PATJ: variants seen among roughly 807,000 people sequenced by gnomAD.
PATJ encodes PATJ crumbs cell polarity complex component.
A neutral mutation model predicts 224.9 loss-of-function variants in PATJ; 190 were observed. The observed-to-expected ratio is 0.84, with a 90% CI of 0.75 to 0.95. The LOEUF (loss-of-function observed/expected upper bound fraction) is 0.95. Among genes scored for constraint, PATJ ranks in the 40% least tolerant of loss-of-function variants. PATJ has a pLI of 0.00. For synonymous variants in PATJ, 769 were observed against 820.3 expected, an observed-to-expected ratio of 0.94 and a Z score of 1.07; for missense variants, 2,121 against 2,270.3, an observed-to-expected ratio of 0.93 and a Z score of 1.34.
chr1:61,819,651 G>A (rs1656860822), intron 14 of PATJ, among the ~76,000 whole-genome samples: 1 of 152,168 alleles, frequency 6.6e-6, no homozygotes, highest in African/African-American at 2.4e-5. Context: ...GCTCCAATTT[G>A]TAGCATGTAC....
intron 29 of PATJ, among the ~76,000 whole-genome samples, chr1:62,032,349 T>G: frequency 6.6e-6 from 1 of 152,166 alleles, no homozygotes. Context: ...TGGTTTAGAA[T>G]TCATTTAAGT....
intron 18 of PATJ, among the ~76,000 whole-genome samples, chr1:61,860,313 A>C (rs952552299): frequency 2.0e-5 from 3 of 151,736 alleles, no homozygotes; most frequent in African/African-American, 7.3e-5. Context: ...CTTCTGCCTC[A>C]GCCTCCCAAA....
chr1:61,910,130 T>A (rs1672406176), intron 25 of PATJ, among the ~76,000 whole-genome samples: 1 of 152,190 alleles, frequency 6.6e-6, no homozygotes, highest in Non-Finnish European at 1.5e-5. Context: ...AACAGGAAAA[T>A]TGGCCAGATT....
intron 27 of PATJ, among the ~76,000 whole-genome samples, chr1:61,962,770 G>A (rs1347343543): frequency 6.6e-6 from 1 of 152,150 alleles, no homozygotes; most frequent in Admixed American, 6.5e-5. Context: ...ACATTGCACA[G>A]CGTCTGAGAC....
At chr1:62,091,754 T>C (rs976469036) in intron 33 of PATJ, among the ~76,000 whole-genome samples, 5 of 151,518 alleles carry the variant, frequency 3.3e-5, no homozygotes, top group African/African-American at 1.2e-4. Context: ...CCATCTCTTA[T>C]TTTAAAAAAA....
chr1:62,131,597 A>G (rs1237142592), intron 41 of PATJ, among the ~76,000 whole-genome samples: 2 of 152,084 alleles, frequency 1.3e-5, no homozygotes, highest in East Asian at 3.9e-4. Context: ...GCAATGAGCC[A>G]AGATCACCCC....
intron 1 of PATJ, among the ~76,000 whole-genome samples, chr1:61,752,340 G>A (rs1645386987): frequency 7.5e-6 from 1 of 133,686 alleles, no homozygotes; most frequent in Non-Finnish European, 1.5e-5. Flanking sequence ...TTAAGACGGA[G>A]TCTTGCTCTG....
At chr1:62,049,751 T>C (rs987083478) in intron 30 of PATJ, among the ~76,000 whole-genome samples, 14 of 152,242 alleles carry the variant, frequency 9.2e-5, no homozygotes, top group African/African-American at 3.4e-4. Flanking sequence ...TTCAGGATTC[T>C]GCAGGAAAAA....
intron 27 of PATJ, among the ~76,000 whole-genome samples, chr1:61,957,426 G>A (rs192555880): frequency 5.8e-4 from 89 of 152,216 alleles, no homozygotes; most frequent in African/African-American, 2.0e-3. Flanking sequence ...AATGATGAGC[G>A]TTAGAATAAT....
At chr1:61,918,452 C>T (rs1261765139) in intron 26 of PATJ, among the ~76,000 whole-genome samples, 2 of 151,606 alleles carry the variant, frequency 1.3e-5, no homozygotes, top group African/African-American at 4.8e-5. Context: ...GGATTACAGG[C>T]ATGCGCCACC....
chr1:62,134,680 A>G (rs1046227536), intron 41 of PATJ, among the ~76,000 whole-genome samples: 3 of 152,118 alleles, frequency 2.0e-5, no homozygotes, highest in African/African-American at 7.2e-5. Context: ...TCCTTTGTTT[A>G]GAAACTCTCC....
Position 61,978,368 on chromosome 1 carries a change from C to T in PATJ, c.3671-11800C>T, listed in dbSNP as rs546285700. On this transcript the variant is annotated intron_variant, in intron 27 of 43. Transcript: ENST00000642238. Reference sequence around the variant, plus strand: ...GCAACCTCTGTCTCCTAGGTTCAAGCGATTCTTCTGCCTCAGCCTTCCGAG... The same window carrying T: ...GCAACCTCTGTCTCCTAGGTTCAAGTGATTCTTCTGCCTCAGCCTTCCGAG... Among the ~76,000 whole-genome samples the T allele has an allele frequency of 1.6e-4, 25 of 151,870 alleles. No homozygotes were observed. The South Asian group carries it at 3.1e-3, about 19-fold the overall frequency.
intron 27 of PATJ, among the ~76,000 whole-genome samples, chr1:61,968,942 A>G (rs993076066): frequency 3.3e-5 from 5 of 152,198 alleles, no homozygotes; most frequent in Non-Finnish European, 7.3e-5. Context: ...GAATTTGACT[A>G]CTTTAGATGT....
chr1:61,985,557 AAC>A (rs1644708972), intron 27 of PATJ, among the ~76,000 whole-genome samples: 1 of 152,034 alleles, frequency 6.6e-6, no homozygotes, highest in African/African-American at 2.4e-5. Flanking sequence ...TATTTTCTCA[AAC>A]AGAAACTACA....
At position 61,763,111 on chromosome 1, in the gene PATJ, A is replaced by T. The variant is rs371092534; in HGVS notation, c.121A>T (p.Thr41Ser). ...QNEKLSMFYE[T>S]LKSPLFNQIL... Reference sequence around the variant, plus strand: ...TGAGAAGTTATCTATGTTTTATGAGACACTAAAGAGTCCTCTCTTCAACCA... The same window carrying T: ...TGAGAAGTTATCTATGTTTTATGAGTCACTAAAGAGTCCTCTCTTCAACCA... The change falls in exon 3 of 44, where the codon ACA (threonine) becomes TCA (serine). Residue 41 changes from threonine to serine, a missense_variant. Physicochemically the swap from Thr to Ser is moderately conservative, Grantham distance 58. Transcript: ENST00000642238. The T allele has an allele frequency of 5.6e-6, 9 of 1,610,374 alleles. No individual in the cohort carries two copies. Among genetic ancestry groups the T allele is most frequent in the African/African-American group, 4.0e-5 (3 of 74,862 alleles).
rs1173042437 is a variant in PATJ at position 62,125,251 on chromosome 1, AAACAAAAAAAAAC to A, written c.5043+2196_5043+2208del. Among the ~76,000 whole-genome samples, 579 of 100,528 alleles carry A rather than the reference AAACAAAAAAAAAC, an allele frequency of 5.8e-3. 69 individuals carry two copies. Among genetic ancestry groups the A allele is most frequent in the African/African-American group, 0.021 (523 of 24,600 alleles). 66.0% of individuals were successfully genotyped at this position (100,528 alleles called of 152,430 possible). A position where few individuals can be genotyped will look rare whatever the true frequency, so the allele number is the denominator to read the frequency against. On this transcript the variant is annotated intron_variant, in intron 39 of 43. Transcript: ENST00000642238. The stretch of plus-strand genomic sequence containing the variant: ...AACCCTGTCTCAAAAAAAAAAAAAA[AAACAAAAAAAAAC>A]AAAAAAAAAACGCCATTAGCTCTAT...
At chr1:61,790,444 G>A (rs1402888674) in intron 8 of PATJ, among the ~76,000 whole-genome samples, 1 of 151,484 alleles carries the variant, frequency 6.6e-6, no homozygotes, top group Non-Finnish European at 1.5e-5. Flanking sequence ...CAGTTCTGTA[G>A]GTCAGAATTC....
At chr1:61,784,970 T>A (rs1246866911) in intron 7 of PATJ, among the ~76,000 whole-genome samples, 1 of 152,238 alleles carries the variant, frequency 6.6e-6, no homozygotes, top group Non-Finnish European at 1.5e-5. Context: ...TCCAGTCCCT[T>A]CTAGTGGCTT....
At chr1:62,088,950 C>G (rs2148780941) in intron 33 of PATJ, among the ~76,000 whole-genome samples, 1 of 151,450 alleles carries the variant, frequency 6.6e-6, no homozygotes, top group South Asian at 2.1e-4. Flanking sequence ...TGTTTCCACA[C>G]TTTCCCGAGG....
Sources: allele counts gnomAD v4.1 joint callset (sites outside exome capture counted in the v4.1 genomes callset), GRCh38; gene constraint gnomAD v4.1.1; transcripts MANE v1.5; gene names NCBI Gene and HGNC (gene_info 2026-07-23, HGNC 2026-07-21).